The following NUS1 variants were observed in gnomAD, a reference collection of about 807,000 sequenced individuals.
NUS1 encodes NUS1 dehydrodolichyl diphosphate synthase subunit.
For missense variants in NUS1, 292 were observed against 382.9 expected (o/e 0.76, Z 1.98); for synonymous variants, 135 against 155.2 (o/e 0.87, Z 0.97).
intron 4 of NUS1, among the ~76,000 whole-genome samples, chr6:117,705,790 C>G (rs1218508593): frequency 1.3e-5 from 2 of 152,074 alleles, no homozygotes; most frequent in Non-Finnish European, 2.9e-5. Context: ...ACATTTGAAG[C>G]AAGCTTTAGC....
chr6:117,705,470 G>A (rs539725600), intron 4 of NUS1, among the ~76,000 whole-genome samples: 1 of 152,274 alleles, frequency 6.6e-6, no homozygotes, highest in South Asian at 2.1e-4. Flanking sequence ...TCTGATAATG[G>A]ACAAGATATG....
Position 117,691,560 on chromosome 6 carries a change from T to TATAGATATAG in NUS1, c.416-1479_416-1478insGATATAGATA, listed in dbSNP as rs1773219957. On this transcript the variant is annotated intron_variant, in intron 1 of 4. Transcript: ENST00000368494. ...GCAGGTTCTGTGCCATAGATATAGA[T>TATAGATATAG]ATATATATATATATATATATATATA... Among the ~76,000 whole-genome samples the TATAGATATAG allele has an allele frequency of 4.9e-4, 3 of 6,168 alleles. No individual in the cohort carries two copies. In the South Asian group the frequency reaches 0.014, roughly 29 times the overall value. 4.0% of individuals were successfully genotyped at this position (6,168 alleles called of 152,430 possible).
At chr6:117,682,265 A>G (rs989298427) in intron 1 of NUS1, among the ~76,000 whole-genome samples, 2 of 152,086 alleles carry the variant, frequency 1.3e-5, no homozygotes, top group Non-Finnish European at 2.9e-5. Context: ...TTTATTCTCT[A>G]TGTACCCTTT....
rs1201766536 is a variant in NUS1 at position 117,703,720 on chromosome 6, C to CTTTGTTTAGATTCA, written c.791+16_791+17insTTTGTTTAGATTCA. 3.3e-5 allele frequency: 52 copies of CTTTGTTTAGATTCA among 1,552,714 alleles called. No homozygotes were observed. The highest frequency in any genetic ancestry group is 4.2e-5 in the Non-Finnish European group (47 of 1,124,098). ...CTGAGATTGTGTAAGTAATTAAAAG[C>CTTTGTTTAGATTCA]GTACTGACTTTGTTTAGATTCAGCA... On this transcript the variant is annotated intron_variant, in intron 4 of 4. Transcript: ENST00000368494.
At chr6:117,693,618 A>G (rs1773275296) in intron 2 of NUS1, among the ~76,000 whole-genome samples, 1 of 152,182 alleles carries the variant, frequency 6.6e-6, no homozygotes, top group African/African-American at 2.4e-5. Flanking sequence ...GCTATAGGCA[A>G]TGCATATTCC....
At chr6:117,690,938 C>T (rs1047721414) in intron 1 of NUS1, among the ~76,000 whole-genome samples, 3 of 141,302 alleles carry the variant, frequency 2.1e-5, no homozygotes, top group African/African-American at 7.7e-5. Context: ...CGAGATCATG[C>T]CTCTGCACTC....
chr6:117,694,198 T>TATATAC lies in NUS1; in HGVS notation c.691+24_691+29dup. 7.5e-7 allele frequency: 1 copy of TATATAC among 1,330,290 alleles called. No individual in the cohort carries two copies. The highest frequency in any genetic ancestry group is 1.0e-6 in the Non-Finnish European group (1 of 963,142). 82.4% of individuals were successfully genotyped at this position (1,330,290 alleles called of 1,614,324 possible). ...TTTACTTAGTAAGTTTTTTTATATATATATACATATATATGTATATGTATG... is the reference window on the plus strand; with the variant it reads ...TTTACTTAGTAAGTTTTTTTATATATATATACATATACATATATATGTATATGTATG... On this transcript the variant is annotated intron_variant, in intron 3 of 4. Transcript: ENST00000368494.
At chr6:117,688,213 C>T (rs2114683268) in intron 1 of NUS1, among the ~76,000 whole-genome samples, 1 of 152,272 alleles carries the variant, frequency 6.6e-6, no homozygotes, top group Non-Finnish European at 1.5e-5. Flanking sequence ...GGGTGAGACC[C>T]TGTTTCTTAA....
intron 1 of NUS1, 99 bp from the exon 2 acceptor site, chr6:117,692,943 C>G (rs779006304): frequency 1.3e-5 from 12 of 937,168 alleles, no homozygotes; most frequent in Non-Finnish European, 1.8e-5. Flanking sequence ...GTTTGACATT[C>G]GTTTAGTTCT....
intron 1 of NUS1, among the ~76,000 whole-genome samples, chr6:117,680,913 G>A (rs956618903): frequency 1.3e-4 from 20 of 152,100 alleles, no homozygotes; most frequent in Admixed American, 1.2e-3. Flanking sequence ...CTTTTGAAAT[G>A]GTTTTTGGGT....
At chr6:117,703,526 C>A in intron 3 of NUS1, 79 bp from the exon 4 acceptor site, 1 of 1,067,604 alleles carries the variant, frequency 9.4e-7, no homozygotes, top group Non-Finnish European at 1.4e-6. Context: ...ACATTTTGCC[C>A]ATGATCTGTG....
In NUS1 at chr6:117,710,371, G is replaced by GAT. The variant is rs1213572616; in HGVS notation, c.*3357_*3358dup. 2.6e-5 allele frequency: 4 copies of GAT among 152,026 alleles called. No homozygotes were observed. Among genetic ancestry groups the GAT allele is most frequent in the Non-Finnish European group, 5.9e-5 (4 of 67,964 alleles). 9.4% of individuals were successfully genotyped at this position (152,026 alleles called of 1,614,324 possible). A position where few individuals can be genotyped will look rare whatever the true frequency, so the allele number is the denominator to read the frequency against. ...GTTTGAAATAAAACCCAGGAAACAA[G>GAT]ATTAATGTGAGCAGTTCTCCAAGAT... On this transcript the variant is annotated 3_prime_UTR_variant, in exon 5 of 5. Coordinates refer to ENST00000368494, the MANE Select transcript of NUS1 (RefSeq NM_138459.5).
At chr6:117,685,911 G>A (rs1409627147) in intron 1 of NUS1, among the ~76,000 whole-genome samples, 3 of 151,070 alleles carry the variant, frequency 2.0e-5, no homozygotes, top group Non-Finnish European at 2.9e-5. Flanking sequence ...GCAGTGAGCC[G>A]AGATCGCGCC....
rs1475087185 is a variant in NUS1 at position 117,709,822 on chromosome 6, A to G, written c.*2807A>G. 1 of 152,614 alleles carries G rather than the reference A, an allele frequency of 6.6e-6. No homozygotes were observed. 9.5% of individuals were successfully genotyped at this position (152,614 alleles called of 1,614,324 possible). A position where few individuals can be genotyped will look rare whatever the true frequency, so the allele number is the denominator to read the frequency against. On this transcript the variant is annotated 3_prime_UTR_variant, in exon 5 of 5. Coordinates refer to ENST00000368494, the MANE Select transcript of NUS1 (RefSeq NM_138459.5). ...AAAGAATATACTCTTTTCATTGACT[A>G]TAGTATTATGTGAATGCTACATTTG... is the stretch of plus-strand genomic sequence containing the variant.
At chr6:117,684,539 C>T (rs938170657) in intron 1 of NUS1, among the ~76,000 whole-genome samples, 61 of 152,256 alleles carry the variant, frequency 4.0e-4, no homozygotes, top group African/African-American at 1.4e-3. Flanking sequence ...CACCTACCAG[C>T]GAGGTGATCT....
rs149506689 is a variant in NUS1, at chr6:117,693,167, G to A, written c.541G>A (p.Val181Ile). 1 of 1,612,022 alleles carries A rather than the reference G, an allele frequency of 6.2e-7. No homozygotes were observed. The highest frequency in any genetic ancestry group is 1.1e-5 in the South Asian group (1 of 90,858). The change falls in exon 2 of 5, where the codon GTT (valine) becomes ATT (isoleucine). Residue 181 changes from valine (V) to isoleucine (I), a missense_variant and splice_region_variant. Val to Ile is a conservative substitution (Grantham distance 29). Coordinates refer to ENST00000368494, the MANE Select transcript of NUS1 (RefSeq NM_138459.5). ...AAATAGTAATGACAAAGATGATCAA[G>A]GTAAGCATGAGTGTATAATTGAACA... ...FANSNDKDDQ[V>I]LNCHLAVKVL...
At chr6:117,686,121 C>T (rs1252944123) in intron 1 of NUS1, among the ~76,000 whole-genome samples, 3 of 151,522 alleles carry the variant, frequency 2.0e-5, no homozygotes, top group African/African-American at 7.3e-5. Context: ...ATTAGCCGGG[C>T]GTGGTGGTGG....
chr6:117,693,104 C>G lies in NUS1; in HGVS notation c.478C>G (p.Leu160Val). 1.2e-6 allele frequency: 2 copies of G among 1,611,460 alleles called. No homozygotes were observed. Among genetic ancestry groups the G allele is most frequent in the Non-Finnish European group, 1.7e-6 (2 of 1,177,922 alleles). Residue 160 changes from leucine (L) to valine (V), a missense_variant, in exon 2 of 5, where the codon CTG becomes GTG. Transcript: ENST00000368494. ...DEILKQQQEL[L>V]GLDCSKYSPE... ...AATTTTAAAACAACAGCAAGAACTT[C>G]TGGGCCTAGATTGTTCAAAATACTC...
At position 117,676,027 on chromosome 6, in the gene NUS1, C is replaced by T; in HGVS notation, c.357C>T (p.Ser119=). The stretch of plus-strand genomic sequence containing the variant: ...AACCCAGCTTCTCGGACATCGCGAG[C>T]CTCGTGGTGTGGTGTATGGCCGTGG... ...EQEPSFSDIA[S]LVVWCMAVGI... Residue 119 remains serine (S), a synonymous_variant, in exon 1 of 5, where the codon AGC becomes AGT. Coordinates refer to ENST00000368494, the MANE Select transcript of NUS1 (RefSeq NM_138459.5). The T allele has an allele frequency of 6.5e-7, 1 of 1,549,998 alleles. No homozygotes were observed. The highest frequency in any genetic ancestry group is 8.7e-7 in the Non-Finnish European group (1 of 1,146,996).
Sources: gnomAD v4.1 joint callset for allele counts (sites outside exome capture counted in the v4.1 genomes callset) on GRCh38, gnomAD v4.1.1 for gene constraint, MANE v1.5 for transcripts, NCBI Gene and HGNC (gene_info 2026-07-23, HGNC 2026-07-21) for gene names.